The following SPIRE1 variants were observed in gnomAD, a reference collection of about 807,000 sequenced individuals.
SPIRE1 encodes protein spire homolog 1.
SPIRE1 carries 40 observed loss-of-function variants against 94.1 expected under a neutral mutation model. The ratio of observed to expected loss-of-function variants is 0.43; its 90% CI spans 0.33 to 0.55. The LOEUF (loss-of-function observed/expected upper bound fraction) is 0.55, where lower values mean the gene tolerates loss of function less well. SPIRE1 is among the 20% of genes least tolerant of loss of function. SPIRE1 has a pLI of 0.06. For synonymous variants in SPIRE1, 376 were observed against 371.7 expected (o/e 1.01, Z -0.13); for missense variants, 838 against 975.2 (o/e 0.86, Z 1.87).
At chr18:12,463,528 T>C (rs753298304) in intron 11 of SPIRE1, 35 bp from the exon 12 acceptor site, 1 of 1,570,502 alleles carries the variant, frequency 6.4e-7, no homozygotes, top group Non-Finnish European at 8.7e-7. Context: ...AAACTTACTG[T>C]GAATTTTCTA....
At chr18:12,649,757 A>T (rs939530806) in intron 1 of SPIRE1, among the ~76,000 whole-genome samples, 9 of 152,328 alleles carry the variant, frequency 5.9e-5, no homozygotes, top group African/African-American at 2.2e-4. Context: ...GTTTCCTAAG[A>T]GTCCTAACTT....
chr18:12,517,895 T>C (rs966185811), intron 4 of SPIRE1, among the ~76,000 whole-genome samples: 14 of 152,242 alleles, frequency 9.2e-5, no homozygotes, highest in African/African-American at 3.4e-4. Context: ...AGCATTTTAA[T>C]GATCACCATT....
At chr18:12,632,298 T>C (rs2037804051) in intron 2 of SPIRE1, among the ~76,000 whole-genome samples, 1 of 152,118 alleles carries the variant, frequency 6.6e-6, no homozygotes, top group Admixed American at 6.6e-5. Context: ...TGTTCCTGGG[T>C]CTGCTTCATT....
chr18:12,495,133 T>G (rs2033409210), intron 7 of SPIRE1, among the ~76,000 whole-genome samples: 1 of 152,168 alleles, frequency 6.6e-6, no homozygotes, highest in Non-Finnish European at 1.5e-5. Flanking sequence ...TAATTATGCT[T>G]TAGTTGTATA....
At chr18:12,475,918 T>C (rs561064268) in intron 10 of SPIRE1, among the ~76,000 whole-genome samples, 1 of 152,186 alleles carries the variant, frequency 6.6e-6, no homozygotes, top group Non-Finnish European at 1.5e-5. Flanking sequence ...ACATGGAGAA[T>C]TGTCTTTACT....
At chr18:12,529,145 G>A (rs35190325) in intron 4 of SPIRE1, among the ~76,000 whole-genome samples, 14,191 of 152,152 alleles carry the variant, frequency 0.093, 936 homozygotes, top group Middle Eastern at 0.19. Flanking sequence ...CGAGGCGGGC[G>A]GACCACGAGG....
At chr18:12,490,897 A>G (rs2033210030) in intron 8 of SPIRE1, among the ~76,000 whole-genome samples, 2 of 152,182 alleles carry the variant, frequency 1.3e-5, no homozygotes, top group African/African-American at 4.8e-5. Flanking sequence ...GACCACTTCT[A>G]TATTCAACAT....
At chr18:12,488,660 G>A (rs2033123774) in intron 8 of SPIRE1, among the ~76,000 whole-genome samples, 1 of 152,160 alleles carries the variant, frequency 6.6e-6, no homozygotes, top group African/African-American at 2.4e-5. Context: ...TTAGCAAGAT[G>A]TCAGAATCAT....
intron 16 of SPIRE1, chr18:12,451,108 C>T (rs1268513841): frequency 1.9e-5 from 7 of 362,356 alleles, no homozygotes; most frequent in Non-Finnish European, 2.5e-5. Context: ...AAACTCTTAA[C>T]CACCCTTCTA....
At chr18:12,613,662 G>T in intron 2 of SPIRE1, among the ~76,000 whole-genome samples, 1 of 152,174 alleles carries the variant, frequency 6.6e-6, no homozygotes, top group East Asian at 1.9e-4. Context: ...CACTTTGGAA[G>T]GCCAAGGTGG....
intron 4 of SPIRE1, among the ~76,000 whole-genome samples, chr18:12,533,246 G>A (rs1053142395): frequency 2.0e-5 from 3 of 152,222 alleles, no homozygotes; most frequent in Admixed American, 6.5e-5. Flanking sequence ...AACCAGTTGT[G>A]AGGGCCCAAC....
chr18:12,605,588 T>C (rs1170979165), intron 2 of SPIRE1, among the ~76,000 whole-genome samples: 2 of 152,128 alleles, frequency 1.3e-5, no homozygotes, highest in Non-Finnish European at 2.9e-5. Context: ...ACAAAATTAC[T>C]TATCCAAGCA....
intron 2 of SPIRE1, among the ~76,000 whole-genome samples, chr18:12,616,793 T>G (rs377484846): frequency 6.3e-4 from 96 of 152,344 alleles, no homozygotes; most frequent in African/African-American, 2.1e-3. Context: ...ATGCAATACA[T>G]TCATGTGCTA....
intron 2 of SPIRE1, chr18:12,588,265 T>A (rs948304): frequency 0.55 from 84,131 of 151,588 alleles, 24,442 homozygotes; most frequent in Middle Eastern, 0.75. Flanking sequence ...TAATTTTTTT[T>A]TAAAAGTAGA....
At chr18:12,470,076 G>A (rs1370356354) in intron 10 of SPIRE1, among the ~76,000 whole-genome samples, 2 of 151,676 alleles carry the variant, frequency 1.3e-5, no homozygotes, top group Non-Finnish European at 2.9e-5. Context: ...CAAGTAGCTG[G>A]GACTACAGAC....
At chr18:12,486,250 A>T (rs533792) in intron 8 of SPIRE1, among the ~76,000 whole-genome samples, 113,102 of 152,130 alleles carry the variant, frequency 0.74, 42,652 homozygotes, top group Middle Eastern at 0.93. Context: ...GAAAACAAGT[A>T]AAAAATGAAA....
At chr18:12,489,211 T>C (rs1273454659) in intron 8 of SPIRE1, among the ~76,000 whole-genome samples, 5 of 152,114 alleles carry the variant, frequency 3.3e-5, no homozygotes, top group Non-Finnish European at 5.9e-5. Context: ...TAATCTTCCT[T>C]GAACTTATCT....
chr18:12,540,944 A>AT (rs1191097647), intron 3 of SPIRE1, among the ~76,000 whole-genome samples: 2 of 152,054 alleles, frequency 1.3e-5, no homozygotes, highest in Non-Finnish European at 2.9e-5. Flanking sequence ...TGTGCAGCAT[A>AT]TTTGCTCTCA....
intron 5 of SPIRE1, among the ~76,000 whole-genome samples, chr18:12,509,945 T>A (rs1015017910): frequency 2.0e-5 from 3 of 151,618 alleles, no homozygotes; most frequent in Non-Finnish European, 4.4e-5. Context: ...ATTAGCTGGG[T>A]GTGGTGGTGC....
Sources: allele counts gnomAD v4.1 joint callset (sites outside exome capture counted in the v4.1 genomes callset), GRCh38; gene constraint gnomAD v4.1.1; transcripts MANE v1.5; gene names NCBI Gene and HGNC (gene_info 2026-07-23, HGNC 2026-07-21).